Variants in WNK2 observed in about 807,000 individuals in gnomAD.
WNK2 encodes WNK lysine deficient protein kinase 2.
Under a neutral mutation model 192.1 loss-of-function variants are expected in WNK2, and 67 were observed. The ratio of observed to expected loss-of-function variants is 0.35; its 90% CI spans 0.29 to 0.43. The LOEUF is 0.43. Among genes scored for constraint, WNK2 ranks in the 20% least tolerant of loss-of-function variants. WNK2 has a pLI of 1.00. For synonymous variants in WNK2, 1,439 were observed against 1,393.9 expected (o/e 1.03, Z -0.72); for missense variants, 2,698 against 3,089.7 (o/e 0.87, Z 3.01).
chr9:93,211,268 A>C (rs1486425524), intron 2 of WNK2, among the ~76,000 whole-genome samples: 24 of 151,420 alleles, frequency 1.6e-4, no homozygotes, highest in East Asian at 5.8e-4. Flanking sequence ...TCACTCATTC[A>C]CTCACTCATC....
rs550515838 is a variant in WNK2, at chr9:93,267,863, G to A, written c.3814G>A (p.Asp1272Asn). Residue 1272 changes from aspartate to asparagine, a missense_variant, in exon 17 of 30, where the codon GAC becomes AAC. Around this residue, in one of 7 missense-constraint regions of WNK2, gnomAD observed 1,098 missense variants for 1,101.0 expected, o/e 1.00. Coordinates refer to ENST00000427277, the MANE Select transcript of WNK2 (RefSeq NM_006648.4). ...GGACACAGACGCCGACCGTGGCTCC[G>A]ACCCAGGGACCAGCCCGCCACACCT... ...SEDTDADRGS[D>N]PGTSPPHLST... is the part of the protein sequence containing the mutation. 24 of 1,610,190 alleles carry A rather than the reference G, an allele frequency of 1.5e-5. No homozygotes were observed. The highest frequency in any genetic ancestry group is 1.7e-4 in the Middle Eastern group (1 of 6,056).
chr9:93,218,457 G>A (rs1836180774), intron 2 of WNK2, among the ~76,000 whole-genome samples: 1 of 152,164 alleles, frequency 6.6e-6, no homozygotes, highest in South Asian at 2.1e-4. Flanking sequence ...AGTTACCTTG[G>A]GTGAGTGCCG....
chr9:93,225,544 C>G (rs1384922669), intron 2 of WNK2, among the ~76,000 whole-genome samples: 2 of 152,212 alleles, frequency 1.3e-5, no homozygotes, highest in African/African-American at 2.4e-5. Flanking sequence ...TTACATGTAT[C>G]AACTTCAGTA....
intron 7 of WNK2, among the ~76,000 whole-genome samples, chr9:93,244,000 G>A (rs1042209799): frequency 1.3e-5 from 2 of 152,266 alleles, no homozygotes; most frequent in Non-Finnish European, 2.9e-5. Context: ...GGGAGGCCAA[G>A]GCAGGAGGAT....
chr9:93,247,489 T>C lies in WNK2; in HGVS notation c.1543-54T>C, dbSNP rs535922329. On this transcript the variant is annotated intron_variant, in intron 7 of 29. Transcript: ENST00000427277. The surrounding 1 kb of genome is among the most constrained non-coding windows in gnomAD (Gnocchi z 5.2). ...GGGAAAGCACTTTAGGTAAGGGGTGTGGGCCGGTGAGGGCTGATCCCCAGC... is the reference window on the plus strand; with the variant it reads ...GGGAAAGCACTTTAGGTAAGGGGTGCGGGCCGGTGAGGGCTGATCCCCAGC... 6.4e-7 allele frequency: 1 copy of C among 1,566,142 alleles called. No homozygotes were observed. Among genetic ancestry groups the C allele is most frequent in the Non-Finnish European group, 8.7e-7 (1 of 1,152,328 alleles).
At chr9:93,188,312 G>A (rs765814339) in intron 2 of WNK2, among the ~76,000 whole-genome samples, 1 of 152,186 alleles carries the variant, frequency 6.6e-6, no homozygotes, top group African/African-American at 2.4e-5. Flanking sequence ...CCTGCCAGAC[G>A]GGAGAAACGC....
chr9:93,261,961 T>C lies in WNK2; in HGVS notation c.3214T>C (p.Ser1072Pro), dbSNP rs764073353. The part of the protein sequence containing the change: ...APELLPQFPS[S>P]LATVSASVQS... ...TGAGCTCCTGCCTCAGTTCCCCAGC[T>C]CCCTGGCCACGGTGTCTGCCTCTGT... is the stretch of plus-strand genomic sequence containing the variant. The change falls in exon 13 of 30, where the codon TCC becomes CCC. Residue 1072 changes from serine to proline, a missense_variant. This residue lies in a region of WNK2 where 893 missense variants were observed against 909.0 expected (regional missense o/e 0.98). Coordinates refer to ENST00000427277, the MANE Select transcript of WNK2 (RefSeq NM_006648.4). 2 of 1,611,782 alleles carry C rather than the reference T, an allele frequency of 1.2e-6. No individual in the cohort carries two copies. The highest frequency in any genetic ancestry group is 3.3e-5 in the Admixed American group (2 of 59,978).
intron 25 of WNK2, 72 bp downstream of exon 25, chr9:93,299,333 G>C: frequency 6.7e-7 from 1 of 1,481,538 alleles, no homozygotes; most frequent in South Asian, 1.4e-5. Flanking sequence ...CCAGGAGCAC[G>C]CCCGTGTTGT....
At chr9:93,205,488 TC>T (rs1483754006) in intron 2 of WNK2, among the ~76,000 whole-genome samples, 1 of 152,074 alleles carries the variant, frequency 6.6e-6, no homozygotes, top group Non-Finnish European at 1.5e-5. Context: ...GCCTCTGTCA[TC>T]TCCCCCATCC....
intron 28 of WNK2, 36 bp from the exon 29 acceptor site, chr9:93,317,484 C>T (rs772229937): frequency 7.5e-6 from 12 of 1,606,572 alleles, no homozygotes; most frequent in African/African-American, 6.7e-5. Context: ...ATTGCAGCCA[C>T]GTGTACCTTC....
intron 9 of WNK2, among the ~76,000 whole-genome samples, chr9:93,254,357 C>CT (rs1842987947): frequency 6.6e-6 from 1 of 152,250 alleles, no homozygotes; most frequent in Non-Finnish European, 1.5e-5. Context: ...GGCGCTTTGG[C>CT]TGTGCTGGTT....
chr9:93,282,773 A>C (rs1847924535), intron 19 of WNK2, among the ~76,000 whole-genome samples: 1 of 152,224 alleles, frequency 6.6e-6, no homozygotes, highest in Non-Finnish European at 1.5e-5. Context: ...GACACTCAGT[A>C]GGGATAGAGA....
rs552757608 is a variant in WNK2, at chr9:93,237,603, T to C, written c.1234-630T>C. ...TACAAGTTGCAGCCCCTCTCACTTG[T>C]AGGTCTCTTTCTGTTGGCTGGCTTT... On this transcript the variant is annotated intron_variant, in intron 5 of 29. Transcript: ENST00000427277. Among the ~76,000 whole-genome samples, 168 of 152,372 alleles carry C rather than the reference T, an allele frequency of 1.1e-3. 1 individual carries two copies. Among genetic ancestry groups the C allele is most frequent in the Middle Eastern group, 3.4e-3 (1 of 294 alleles).
intron 11 of WNK2, among the ~76,000 whole-genome samples, chr9:93,258,189 C>T (rs1175893419): frequency 6.6e-6 from 1 of 152,192 alleles, no homozygotes; most frequent in Non-Finnish European, 1.5e-5. Flanking sequence ...GGCCAGGTGA[C>T]ACACACCAGC....
chr9:93,290,359 G>A (rs904189640), intron 21 of WNK2, among the ~76,000 whole-genome samples: 1 of 148,638 alleles, frequency 6.7e-6, no homozygotes, highest in African/African-American at 2.5e-5. Flanking sequence ...ATTTTTTAAA[G>A]CTCATCAGTT....
At chr9:93,277,620 T>G (rs1391096502) in intron 19 of WNK2, among the ~76,000 whole-genome samples, 1 of 152,242 alleles carries the variant, frequency 6.6e-6, no homozygotes, top group African/African-American at 2.4e-5. Context: ...CCATTTATAA[T>G]GACATTCTAA....
intron 27 of WNK2, 80 bp downstream of exon 27, chr9:93,306,901 C>T (rs745806369): frequency 1.9e-4 from 295 of 1,594,590 alleles, no homozygotes; most frequent in Non-Finnish European, 2.3e-4. Context: ...AGGGTTCCCG[C>T]GGCCGGGCGG....
At chr9:93,285,188 T>G in intron 19 of WNK2, among the ~76,000 whole-genome samples, 1 of 152,228 alleles carries the variant, frequency 6.6e-6, no homozygotes, top group East Asian at 1.9e-4. Flanking sequence ...CTAAAACTCT[T>G]TCTATTTTGA....
intron 2 of WNK2, among the ~76,000 whole-genome samples, chr9:93,193,950 C>T (rs1830788816): frequency 6.6e-6 from 1 of 152,032 alleles, no homozygotes; most frequent in African/African-American, 2.4e-5. Context: ...GGAAATAGAC[C>T]CTCATGAATA....
Sources: allele counts gnomAD v4.1 joint callset (sites outside exome capture counted in the v4.1 genomes callset), GRCh38; gene constraint gnomAD v4.1.1; regional missense constraint gnomAD v4.1.1; non-coding constraint Gnocchi (gnomAD v3.1); transcripts MANE v1.5; gene names NCBI Gene and HGNC (gene_info 2026-07-23, HGNC 2026-07-21).